The following SPTB variants were observed in gnomAD, a reference collection of about 807,000 sequenced individuals.
SPTB encodes spectrin beta, erythrocytic, also known as spectrin beta chain, erythrocytic.
SPTB carries 45 observed loss-of-function variants against 256.2 expected under a neutral mutation model. The ratio of observed to expected loss-of-function variants is 0.18; its 90% CI spans 0.14 to 0.23. SPTB has a LOEUF of 0.23. SPTB is among the 10% of genes least tolerant of loss of function. SPTB has a pLI of 1.00. For missense variants in SPTB, 2,715 were observed against 3,040.4 expected (o/e 0.89, Z 2.52); for synonymous variants, 1,231 against 1,243.1 (o/e 0.99, Z 0.21).
chr14:64,831,761 G>T (rs1048048126), intron 1 of SPTB, among the ~76,000 whole-genome samples: 3 of 152,244 alleles, frequency 2.0e-5, no homozygotes, highest in African/African-American at 7.2e-5. Context: ...CTGGGGCAGG[G>T]ACAGGTAAAA....
At chr14:64,859,241 G>A (rs1406695082) in intron 1 of SPTB, among the ~76,000 whole-genome samples, 1 of 152,312 alleles carries the variant, frequency 6.6e-6, no homozygotes, top group African/African-American at 2.4e-5. Flanking sequence ...GCGACAGAGC[G>A]AGACTCCGTC....
Position 64,767,549 on chromosome 14 carries a change from C to T in SPTB, c.6219+114G>A. On this transcript the variant is annotated intron_variant, in intron 30 of 35. Transcript: ENST00000644917. ...CTTTCCTTCCCATTGTCGCTGCTGG[C>T]CAAGCCTGTCACACCATTCTAAGTA... 4 of 1,469,874 alleles carry T rather than the reference C, an allele frequency of 2.7e-6. No individual in the cohort carries two copies. The East Asian group carries it at 6.8e-5, about 25-fold the overall frequency. The allele number at this position is 1,469,874 out of a possible 1,614,324, so 91.1% of individuals were successfully genotyped here.
Position 64,793,466 on chromosome 14 carries a change from C to T in SPTB, c.2197G>A (p.Ala733Thr). The change falls in exon 14 of 36, where the codon GCC (alanine) becomes ACC (threonine). Residue 733 changes from alanine to threonine, a missense_variant. By Grantham distance (58) the Ala-to-Thr change is moderately conservative. Coordinates refer to ENST00000644917, the MANE Select transcript of SPTB (RefSeq NM_001355436.2). This position sits in a 1 kb window ranked among gnomAD's most constrained non-coding sequence, Gnocchi z 7.0. ...TCCTGGAGGTTCTTCTTGCAGAAGGCAGCCAGGTCCTTCAGCTGGTCCCAC... is the reference window on the plus strand; with the variant it reads ...TCCTGGAGGTTCTTCTTGCAGAAGGTAGCCAGGTCCTTCAGCTGGTCCCAC... ...AQWDQLKDLAAFCKKNLQDAE... is the reference protein window; with the variant it reads ...AQWDQLKDLATFCKKNLQDAE... 6.2e-7 allele frequency: 1 copy of T among 1,614,120 alleles called. No homozygotes were observed. Among genetic ancestry groups the T allele is most frequent in the Non-Finnish European group, 8.5e-7 (1 of 1,180,044 alleles).
intron 32 of SPTB, chr14:64,757,469 T>C (rs1594743019): frequency 6.6e-6 from 1 of 152,218 alleles, no homozygotes; most frequent in African/African-American, 2.4e-5. Context: ...AGGTCACAGG[T>C]TGGCTTTGGA....
chr14:64,751,191 C>A (rs1424969742), intron 33 of SPTB, among the ~76,000 whole-genome samples: 2 of 151,310 alleles, frequency 1.3e-5, no homozygotes, highest in Non-Finnish European at 2.9e-5. Flanking sequence ...GCAGTCTCAG[C>A]TCACTGCAAC....
In SPTB at chr14:64,784,279, A is replaced by G; in HGVS notation, c.3970T>C (p.Ser1324Pro). 1 of 1,614,230 alleles carries G rather than the reference A, an allele frequency of 6.2e-7. No individual in the cohort carries two copies. Among genetic ancestry groups the G allele is most frequent in the Non-Finnish European group, 8.5e-7 (1 of 1,180,032 alleles). ...KHQAFVAELASHEGWLENIDA... is the reference protein window; with the variant it reads ...KHQAFVAELAPHEGWLENIDA... ...ATGTTCTCTAGCCACCCTTCATGGG[A>G]AGCCAGCTCTGCCACAAACGCCTGG... The change falls in exon 19 of 36, where the codon TCC (serine) becomes CCC (proline). Residue 1324 changes from serine (S) to proline (P), a missense_variant. This residue lies in a region of SPTB where 2,239 missense variants were observed against 2,384.4 expected (regional missense o/e 0.94). Coordinates refer to ENST00000644917, the MANE Select transcript of SPTB (RefSeq NM_001355436.2).
intron 5 of SPTB, 85 bp from the exon 6 acceptor site, chr14:64,801,919 G>A: frequency 1.5e-6 from 2 of 1,312,476 alleles, no homozygotes; most frequent in East Asian, 2.3e-5. Flanking sequence ...CAATATACCA[G>A]GAGAGAAATG....
intron 1 of SPTB, among the ~76,000 whole-genome samples, chr14:64,864,005 G>A (rs928142484): frequency 6.6e-5 from 10 of 152,334 alleles, no homozygotes; most frequent in African/African-American, 1.9e-4. Context: ...GGGCCCATAA[G>A]TACATAGCAT....
At chr14:64,799,357 T>C (rs1005724569) in intron 9 of SPTB, among the ~76,000 whole-genome samples, 1 of 152,172 alleles carries the variant, frequency 6.6e-6, no homozygotes. Context: ...TAAGGCCCCA[T>C]GCAGAGAGCT....
At position 64,772,843 on chromosome 14, in the gene SPTB, C is replaced by G; in HGVS notation, c.5290G>C (p.Glu1764Gln). 1 of 1,613,586 alleles carries G rather than the reference C, an allele frequency of 6.2e-7. No homozygotes were observed. Residue 1764 changes from glutamate (E) to glutamine (Q), a missense_variant, in exon 26 of 36, where the codon GAG becomes CAG. Glu to Gln is a conservative substitution (Grantham distance 29). Transcript: ENST00000644917. The surrounding 1 kb of genome is among the most constrained non-coding windows in gnomAD (Gnocchi z 5.4). Reference sequence around the variant, plus strand: ...TTCCACTCGGCGATGGTGGCCGCCTCGCTGTGGCCCGCGTCGATGAGTCGC... The same window carrying G: ...TTCCACTCGGCGATGGTGGCCGCCTGGCTGTGGCCCGCGTCGATGAGTCGC... ...IERLIDAGHS[E>Q]AATIAEWKDG...
chr14:64,749,339 C>T lies in SPTB; in HGVS notation c.6954G>A (p.Glu2318=). The T allele has an allele frequency of 1.2e-6, 2 of 1,609,786 alleles. No homozygotes were observed. The highest frequency in any genetic ancestry group is 1.7e-6 in the Non-Finnish European group (2 of 1,179,288). ...TTTTGGGGAAGAAGCTGAATCTCTT[C>T]TCCTTGTCTTTCTTGCCGAGGCTGG... ...PDASLGKKDK[E]KRFSFFPKKK is the part of the protein sequence containing the mutation. Residue 2318 remains glutamate, a synonymous_variant, in exon 36 of 36, where the codon GAG becomes GAA. Coordinates refer to ENST00000644917, the MANE Select transcript of SPTB (RefSeq NM_001355436.2). This position sits in a 1 kb window ranked among gnomAD's most constrained non-coding sequence, Gnocchi z 4.7.
At chr14:64,761,124 T>G (rs1266674081) in intron 32 of SPTB, among the ~76,000 whole-genome samples, 1 of 152,164 alleles carries the variant, frequency 6.6e-6, no homozygotes, top group African/African-American at 2.4e-5. Context: ...CTGTGGGATG[T>G]GGGGAGCCAG....
At chr14:64,774,560 C>CA (rs2082329367) in intron 23 of SPTB, 33 bp from the exon 24 acceptor site, 10 of 1,551,334 alleles carry the variant, frequency 6.4e-6, no homozygotes, top group Non-Finnish European at 8.7e-6. Context: ...CGCCAGAGCT[C>CA]AGTCTGGCCA....
At chr14:64,865,128 T>C (rs2139810774) in intron 1 of SPTB, among the ~76,000 whole-genome samples, 1 of 152,190 alleles carries the variant, frequency 6.6e-6, no homozygotes. Context: ...CACGATTTCA[T>C]TTTGACCCCC....
intron 32 of SPTB, among the ~76,000 whole-genome samples, chr14:64,762,110 G>A (rs1311183848): frequency 2.0e-5 from 3 of 152,110 alleles, no homozygotes; most frequent in African/African-American, 2.4e-5. Flanking sequence ...GGAGCCAGGC[G>A]CAGTGCCAGA....
intron 1 of SPTB, among the ~76,000 whole-genome samples, chr14:64,859,618 C>T (rs1357201682): frequency 6.6e-6 from 1 of 151,964 alleles, no homozygotes; most frequent in Middle Eastern, 3.2e-3. Context: ...GTAGTGCATA[C>T]CTGTGGTCCT....
chr14:64,775,985 TA>T lies in SPTB; in HGVS notation c.4564-583del, dbSNP rs554770349. Among the ~76,000 whole-genome samples the T allele has an allele frequency of 3.3e-5, 5 of 152,202 alleles. No homozygotes were observed. The highest frequency in any genetic ancestry group is 7.3e-5 in the Non-Finnish European group (5 of 68,028). ...TCTCATATTTTTGTGAGCTTTGCATTAGTCCCTGTTTGAGCCTTTGGTCATG... is the reference window on the plus strand; with the variant it reads ...TCTCATATTTTTGTGAGCTTTGCATTGTCCCTGTTTGAGCCTTTGGTCATG... On this transcript the variant is annotated intron_variant, in intron 22 of 35. Coordinates refer to ENST00000644917, the MANE Select transcript of SPTB (RefSeq NM_001355436.2). This position sits in a 1 kb window ranked among gnomAD's most constrained non-coding sequence, Gnocchi z 5.0.
At chr14:64,815,923 G>A (rs185983403) in intron 2 of SPTB, among the ~76,000 whole-genome samples, 4 of 152,314 alleles carry the variant, frequency 2.6e-5, no homozygotes, top group South Asian at 4.1e-4. Flanking sequence ...GTCCCCTAAC[G>A]ATAGCGGCAG....
chr14:64,811,613 A>G (rs1451498241), intron 2 of SPTB, among the ~76,000 whole-genome samples: 1 of 152,228 alleles, frequency 6.6e-6, no homozygotes, highest in African/African-American at 2.4e-5. Flanking sequence ...AATTTACTTT[A>G]ACAATGCTTC....
Sources: allele counts gnomAD v4.1 joint callset (sites outside exome capture counted in the v4.1 genomes callset), GRCh38; gene constraint gnomAD v4.1.1; regional missense constraint gnomAD v4.1.1; non-coding constraint Gnocchi (gnomAD v3.1); transcripts MANE v1.5; gene names NCBI Gene and HGNC (gene_info 2026-07-23, HGNC 2026-07-21).